Variants in PDE6B observed in about 807,000 individuals in gnomAD.
PDE6B encodes the protein rod cGMP-specific 3',5'-cyclic phosphodiesterase subunit beta.
A neutral mutation model predicts 109.0 loss-of-function variants in PDE6B; 106 were observed. The ratio of observed to expected loss-of-function variants is 0.97; its 90% CI spans 0.83 to 1.14. The LOEUF is 1.14. Among genes scored for constraint, PDE6B ranks in the 50% most tolerant of loss-of-function variants. The pLI is 0.00. For synonymous variants in PDE6B, 490 were observed against 471.3 expected (o/e 1.04, Z -0.51); for missense variants, 1,193 against 1,155.6 (o/e 1.03, Z -0.47).
chr4:646,259 T>A lies in PDE6B; in HGVS notation c.712-7593T>A, dbSNP rs542268825. Among the ~76,000 whole-genome samples, 18 of 152,162 alleles carry A rather than the reference T, an allele frequency of 1.2e-4. No homozygotes were observed. In the South Asian group the frequency reaches 3.1e-3, roughly 26 times the overall value. On this transcript the variant is annotated intron_variant, in intron 3 of 21. Coordinates refer to ENST00000496514, the MANE Select transcript of PDE6B (RefSeq NM_000283.4). ...AGGATAATTTTACTGTATACAGAAT[T>A]ATAAGTTAGCACATTTTTTTCTCAA...
intron 21 of PDE6B, among the ~76,000 whole-genome samples, chr4:669,752 T>C (rs1198317300): frequency 6.1e-5 from 8 of 132,148 alleles, no homozygotes; most frequent in East Asian, 2.2e-4. Context: ...CCCATGCTAT[T>C]CCCCTACCCC....
At chr4:659,630 A>G (rs558489729) in intron 11 of PDE6B, among the ~76,000 whole-genome samples, 80 of 146,068 alleles carry the variant, frequency 5.5e-4, no homozygotes, top group African/African-American at 2.0e-3. Flanking sequence ...GAATGTGCAC[A>G]TGTGTACACA....
chr4:659,085 C>A, intron 11 of PDE6B, 68 bp downstream of exon 11: 3 of 1,188,654 alleles, frequency 2.5e-6, no homozygotes, highest in Non-Finnish European at 3.8e-6. Flanking sequence ...AAGAGTTCTG[C>A]ATTCTCCGGG....
chr4:657,566 G>A lies in PDE6B; in HGVS notation c.1401+72G>A, dbSNP rs1333127095. ...TGTGGCAGGGGCAGGTCGTCCAGGG[G>A]TCACCCAGGGGTCTCGGCTGTGTGG... On this transcript the variant is annotated intron_variant, in intron 10 of 21. Transcript: ENST00000496514. The A allele has an allele frequency of 1.1e-5, 17 of 1,492,506 alleles. No individual in the cohort carries two copies. The East Asian group carries it at 3.9e-4, about 34-fold the overall frequency. 92.5% of individuals were successfully genotyped at this position (1,492,506 alleles called of 1,614,324 possible). A position where few individuals can be genotyped will look rare whatever the true frequency, so the allele number is the denominator to read the frequency against.
At position 654,152 on chromosome 4, in the gene PDE6B, C is replaced by T. The variant is rs764673374; in HGVS notation, c.925C>T (p.Arg309Trp). ...PYSGPRTPDG[R>W]EIVFYKVIDY... Reference sequence around the variant, plus strand: ...CTCGGGCCCACGCACGCCTGATGGCCGGGTGAGTCTTAGGGGAGGGGCCCA... The same window carrying T: ...CTCGGGCCCACGCACGCCTGATGGCTGGGTGAGTCTTAGGGGAGGGGCCCA... The change falls in exon 5 of 22, where the codon CGG becomes TGG. Residue 309 changes from arginine (R) to tryptophan (W), a missense_variant and splice_region_variant. Physicochemically the swap from Arg to Trp is moderately radical, Grantham distance 101. Coordinates refer to ENST00000496514, the MANE Select transcript of PDE6B (RefSeq NM_000283.4). 10 of 1,612,866 alleles carry T rather than the reference C, an allele frequency of 6.2e-6. No individual in the cohort carries two copies. Among genetic ancestry groups the T allele is most frequent in the East Asian group, 2.2e-5 (1 of 44,892 alleles).
intron 3 of PDE6B, among the ~76,000 whole-genome samples, chr4:650,641 C>T (rs1735458668): frequency 6.6e-6 from 1 of 152,196 alleles, no homozygotes; most frequent in East Asian, 1.9e-4. Flanking sequence ...AGGACAGAAA[C>T]AGCTCCGACA....
intron 3 of PDE6B, among the ~76,000 whole-genome samples, chr4:649,163 C>T (rs560059563): frequency 1.9e-4 from 29 of 152,268 alleles, no homozygotes; most frequent in African/African-American, 4.6e-4. Flanking sequence ...CACAGTGGGG[C>T]GGGGCGGGTG....
At chr4:660,138 T>G (rs1233216715) in intron 11 of PDE6B, among the ~76,000 whole-genome samples, 1 of 152,130 alleles carries the variant, frequency 6.6e-6, no homozygotes, top group Non-Finnish European at 1.5e-5. Context: ...CAGGTGTGCC[T>G]GTGTCACGTG....
intron 3 of PDE6B, among the ~76,000 whole-genome samples, chr4:642,485 A>T (rs1734992192): frequency 1.3e-5 from 2 of 151,122 alleles, no homozygotes; most frequent in South Asian, 2.1e-4. Flanking sequence ...GAAAAAAAAC[A>T]AAACTAAACT....
chr4:639,318 T>G (rs563102448), intron 3 of PDE6B, among the ~76,000 whole-genome samples: 2 of 152,106 alleles, frequency 1.3e-5, no homozygotes, highest in Admixed American at 1.3e-4. Context: ...GTAATTATTT[T>G]TTTTTTAGAG....
At chr4:656,331 CAA>C (rs1560122402) in intron 8 of PDE6B, 39 bp downstream of exon 8, 11 of 1,287,958 alleles carry the variant, frequency 8.5e-6, no homozygotes, top group Non-Finnish European at 1.2e-5. Flanking sequence ...TACTTACTTA[CAA>C]AAGAGGAGAT....
chr4:639,199 C>T (rs988792675), intron 3 of PDE6B, among the ~76,000 whole-genome samples: 2 of 151,446 alleles, frequency 1.3e-5, no homozygotes, highest in Non-Finnish European at 2.9e-5. Flanking sequence ...GGCTGGAGTG[C>T]GGTGGTGCAA....
In PDE6B at chr4:656,971, A is replaced by G. The variant is rs993168480; in HGVS notation, c.1205A>G (p.Tyr402Cys). Residue 402 changes from tyrosine (Y) to cysteine (C), a missense_variant, in exon 9 of 22, where the codon TAC (tyrosine) becomes TGC (cysteine). Coordinates refer to ENST00000496514, the MANE Select transcript of PDE6B (RefSeq NM_000283.4). ...KEEIVGVATF[Y>C]NRKDGKPFDE... ...GAGATTGTGGGAGTCGCCACATTTT[A>G]CAACAGGAAAGACGGGAAGCCCTTT... is the stretch of plus-strand genomic sequence containing the variant. The G allele has an allele frequency of 3.7e-6, 6 of 1,613,188 alleles. No homozygotes were observed. The African/African-American group carries it at 6.7e-5, about 18-fold the overall frequency.
rs1031279283 is a variant in PDE6B at position 648,799 on chromosome 4, G to A, written c.712-5053G>A. ...AAAGCTGCATGAAAGGCCTGTGGGT[G>A]CAGGGCTGCAGCTCTCACCTTCAGG... On this transcript the variant is annotated intron_variant, in intron 3 of 21. Coordinates refer to ENST00000496514, the MANE Select transcript of PDE6B (RefSeq NM_000283.4). The surrounding 1 kb of genome is among the most constrained non-coding windows in gnomAD (Gnocchi z 4.5). Among the ~76,000 whole-genome samples the A allele has an allele frequency of 6.6e-6, 1 of 152,276 alleles. No individual in the cohort carries two copies. Among genetic ancestry groups the A allele is most frequent in the Non-Finnish European group, 1.5e-5 (1 of 68,054 alleles).
At chr4:642,731 A>AAAAAAAAAC (rs1735006549) in intron 3 of PDE6B, among the ~76,000 whole-genome samples, 4 of 150,340 alleles carry the variant, frequency 2.7e-5, no homozygotes, top group African/African-American at 9.8e-5. Flanking sequence ...GTCTCAAAAA[A>AAAAAAAAAC]AAAAAAAAAA....
rs559622142 is a variant in PDE6B, at chr4:634,717, A to G, written c.509A>G (p.Tyr170Cys). The change falls in exon 2 of 22, where the codon TAC becomes TGC. Residue 170 changes from tyrosine to cysteine, a missense_variant. Tyr to Cys is a radical substitution (Grantham distance 194). Transcript: ENST00000496514. ...TCATTTGCTGACGAGCTCACTGACT[A>G]CAAGACAAAGAATATGCTGGCCACA... Reference protein sequence around the residue: ...FSSFADELTDYKTKNMLATPI... With the variant: ...FSSFADELTDCKTKNMLATPI... The G allele has an allele frequency of 6.2e-6, 10 of 1,612,912 alleles. No individual in the cohort carries two copies. Among genetic ancestry groups the G allele is most frequent in the East Asian group, 2.2e-5 (1 of 44,874 alleles).
In PDE6B at chr4:665,938, G is replaced by A. The variant is rs909632727; in HGVS notation, c.2269-593G>A. Among the ~76,000 whole-genome samples the A allele has an allele frequency of 6.6e-6, 1 of 152,188 alleles. No homozygotes were observed. Among genetic ancestry groups the A allele is most frequent in the Non-Finnish European group, 1.5e-5 (1 of 68,034 alleles). ...GCAGTGGAGAGGGCTTAGGCCAGGT[G>A]CAGCCTCGGCAGGAAAGGGGGCATT... On this transcript the variant is annotated intron_variant, in intron 19 of 21. Transcript: ENST00000496514. The surrounding 1 kb of genome is among the most constrained non-coding windows in gnomAD (Gnocchi z 4.0).
intron 3 of PDE6B, among the ~76,000 whole-genome samples, chr4:645,481 G>A (rs1000247905): frequency 6.6e-6 from 1 of 151,628 alleles, no homozygotes; most frequent in Non-Finnish European, 1.5e-5. Flanking sequence ...ATTTTTAGTA[G>A]AGACGGGGTT....
chr4:647,476 G>T (rs1171124028), intron 3 of PDE6B, among the ~76,000 whole-genome samples: 1 of 151,992 alleles, frequency 6.6e-6, no homozygotes, highest in Non-Finnish European at 1.5e-5. Context: ...ACCACACACC[G>T]AGCACCTGAG....
Sources: gnomAD v4.1 joint callset for allele counts (sites outside exome capture counted in the v4.1 genomes callset) on GRCh38, gnomAD v4.1.1 for gene constraint, Gnocchi (gnomAD v3.1) non-coding constraint, MANE v1.5 for transcripts, NCBI Gene and HGNC (gene_info 2026-07-23, HGNC 2026-07-21) for gene names.